The following DNM3 variants were observed in gnomAD, a reference collection of about 807,000 sequenced individuals.
DNM3 encodes the protein dynamin-3.
Under a neutral mutation model 101.6 loss-of-function variants are expected in DNM3, and 47 were observed. The ratio of observed to expected loss-of-function variants is 0.46; its 90% CI spans 0.37 to 0.59. The LOEUF (loss-of-function observed/expected upper bound fraction) is 0.59, where lower values mean the gene tolerates loss of function less well. Among genes scored for constraint, DNM3 ranks in the 20% least tolerant of loss-of-function variants. DNM3 has a pLI of 0.00. For missense variants in DNM3, 849 were observed against 1,085.7 expected (o/e 0.78, Z 3.06); for synonymous variants, 385 against 387.9 (o/e 0.99, Z 0.09).
chr1:171,979,315 A>C (rs560410909), intron 2 of DNM3, among the ~76,000 whole-genome samples: 3 of 152,300 alleles, frequency 2.0e-5, no homozygotes, highest in African/African-American at 7.2e-5. Context: ...TTTATAAAAA[A>C]ATTTTGTGGG....
intron 1 of DNM3, among the ~76,000 whole-genome samples, chr1:171,918,663 C>A (rs891151464): frequency 2.0e-5 from 3 of 151,938 alleles, no homozygotes; most frequent in African/African-American, 7.3e-5. Context: ...CTGGTGAGAG[C>A]CATGAAGGGA....
At chr1:172,132,385 T>C (rs2056987986) in intron 14 of DNM3, among the ~76,000 whole-genome samples, 1 of 152,164 alleles carries the variant, frequency 6.6e-6, no homozygotes, top group African/African-American at 2.4e-5. Flanking sequence ...TATAGAAATG[T>C]ATTTAAATTT....
intron 14 of DNM3, among the ~76,000 whole-genome samples, chr1:172,141,402 T>C (rs973877645): frequency 6.6e-5 from 10 of 152,080 alleles, no homozygotes; most frequent in African/African-American, 2.4e-4. Context: ...CTCTTAGTTA[T>C]TATTTTGACG....
intron 1 of DNM3, among the ~76,000 whole-genome samples, chr1:171,872,755 C>T (rs2035410100): frequency 6.6e-6 from 1 of 151,816 alleles, no homozygotes; most frequent in Non-Finnish European, 1.5e-5. Flanking sequence ...TAGAAATTTC[C>T]ACTCAGAAGG....
At chr1:172,129,534 A>C (rs1276773189) in intron 13 of DNM3, among the ~76,000 whole-genome samples, 1 of 152,180 alleles carries the variant, frequency 6.6e-6, no homozygotes, top group Non-Finnish European at 1.5e-5. Context: ...ACAGTTCCAC[A>C]TGGCTGGGGA....
chr1:172,344,472 CT>C (rs1460042321), intron 17 of DNM3, among the ~76,000 whole-genome samples: 1 of 152,150 alleles, frequency 6.6e-6, no homozygotes, highest in Non-Finnish European at 1.5e-5. Flanking sequence ...TTAAAGTTGG[CT>C]TTTTCCCCAC....
intron 2 of DNM3, among the ~76,000 whole-genome samples, chr1:171,929,162 C>T (rs2040810556): frequency 6.6e-6 from 1 of 152,076 alleles, no homozygotes; most frequent in South Asian, 2.1e-4. Flanking sequence ...TTGCCTCAGA[C>T]ACTCCAAAGC....
intron 14 of DNM3, among the ~76,000 whole-genome samples, chr1:172,153,218 C>T (rs898732528): frequency 6.6e-6 from 1 of 152,036 alleles, no homozygotes; most frequent in Non-Finnish European, 1.5e-5. Context: ...AGGCCTAATT[C>T]GATGATATGG....
chr1:172,257,007 C>A (rs903820743), intron 15 of DNM3, among the ~76,000 whole-genome samples: 5 of 151,400 alleles, frequency 3.3e-5, no homozygotes, highest in Non-Finnish European at 7.4e-5. Context: ...GTATTGTGAC[C>A]AAATAATATG....
At chr1:172,137,734 T>C (rs2057321737) in intron 14 of DNM3, 1 of 152,190 alleles carries the variant, frequency 6.6e-6, no homozygotes, top group South Asian at 2.1e-4. Flanking sequence ...TTTCAAATAC[T>C]GAAGCTAAAA....
chr1:171,966,118 T>A (rs1364908415), intron 2 of DNM3, among the ~76,000 whole-genome samples: 4 of 152,210 alleles, frequency 2.6e-5, no homozygotes, highest in Non-Finnish European at 5.9e-5. Context: ...GAAGTCCCCT[T>A]GCCCTCCCAG....
At chr1:171,864,565 T>C (rs1399477475) in intron 1 of DNM3, 1 of 152,174 alleles carries the variant, frequency 6.6e-6, no homozygotes, top group Non-Finnish European at 1.5e-5. Context: ...GTGTGTTAAG[T>C]GGAGGCCCCT....
intron 17 of DNM3, among the ~76,000 whole-genome samples, chr1:172,340,129 A>G (rs1015964032): frequency 2.0e-5 from 3 of 152,182 alleles, no homozygotes; most frequent in African/African-American, 7.2e-5. Flanking sequence ...AAGGAGAGTC[A>G]TAGTATTTAA....
At chr1:172,145,445 CTGTT>C (rs2148192735) in intron 14 of DNM3, among the ~76,000 whole-genome samples, 1 of 149,906 alleles carries the variant, frequency 6.7e-6, no homozygotes, top group African/African-American at 2.4e-5. Flanking sequence ...CTTCTCCTGT[CTGTT>C]GAATCTGTCA....
At chr1:172,192,361 G>A (rs2059760937) in intron 14 of DNM3, among the ~76,000 whole-genome samples, 1 of 150,168 alleles carries the variant, frequency 6.7e-6, no homozygotes, top group South Asian at 2.1e-4. Context: ...GATCATGGTG[G>A]ATAAGCTTTT....
chr1:171,909,017 C>T (rs1229020751), intron 1 of DNM3, among the ~76,000 whole-genome samples: 2 of 151,936 alleles, frequency 1.3e-5, no homozygotes, highest in Non-Finnish European at 2.9e-5. Flanking sequence ...TTTTGAACAC[C>T]TGCTATGTGC....
intron 4 of DNM3, among the ~76,000 whole-genome samples, chr1:172,003,031 A>C (rs1424330925): frequency 6.6e-6 from 1 of 152,004 alleles, no homozygotes; most frequent in Non-Finnish European, 1.5e-5. Flanking sequence ...GAAAAGAAAC[A>C]CTGTTCATGA....
chr1:172,022,942 G>C (rs2047946736), intron 4 of DNM3, among the ~76,000 whole-genome samples: 1 of 151,972 alleles, frequency 6.6e-6, no homozygotes, highest in Admixed American at 6.6e-5. Flanking sequence ...GTTATTCATA[G>C]CTGAGCTATG....
intron 14 of DNM3, among the ~76,000 whole-genome samples, chr1:172,178,761 G>A (rs1266554012): frequency 6.6e-6 from 1 of 151,920 alleles, no homozygotes; most frequent in Non-Finnish European, 1.5e-5. Flanking sequence ...AAGTCACTGG[G>A]TTTGATTATT....
Sources: gnomAD v4.1 joint callset for allele counts (sites outside exome capture counted in the v4.1 genomes callset) on GRCh38, gnomAD v4.1.1 for gene constraint, MANE v1.5 for transcripts, NCBI Gene and HGNC (gene_info 2026-07-23, HGNC 2026-07-21) for gene names.